The following ARHGEF11 variants were observed in gnomAD, a reference collection of about 807,000 sequenced individuals.
The protein encoded by ARHGEF11 is Rho guanine exchange factor (GEF) 11.
In ARHGEF11, 55 loss-of-function variants were observed where a neutral mutation model predicts 193.7. The ratio of observed to expected loss-of-function variants is 0.28; its 90% CI spans 0.23 to 0.36. ARHGEF11 has a LOEUF of 0.36. Ranked by LOEUF, ARHGEF11 falls within the 10% of genes least tolerant of loss-of-function variation. The probability of loss-of-function intolerance (pLI) is 1.00; values close to 1 mark genes in which losing one functional copy is unlikely to be tolerated. For missense variants in ARHGEF11, 1,723 were observed against 2,005.6 expected (o/e 0.86, Z 2.69); for synonymous variants, 693 against 768.0 (o/e 0.90, Z 1.62).
intron 1 of ARHGEF11, among the ~76,000 whole-genome samples, chr1:157,007,445 C>T (rs958570757): frequency 3.7e-4 from 56 of 152,264 alleles, no homozygotes; most frequent in Non-Finnish European, 2.6e-4. Flanking sequence ...GCAGTACTGG[C>T]AGCAGGGGTG....
At chr1:157,029,840 T>C (rs1046870585) in intron 1 of ARHGEF11, among the ~76,000 whole-genome samples, 1 of 152,172 alleles carries the variant, frequency 6.6e-6, no homozygotes, top group Non-Finnish European at 1.5e-5. Context: ...TTATACACAC[T>C]AAAACATGGT....
intron 21 of ARHGEF11, among the ~76,000 whole-genome samples, chr1:156,954,380 C>CAAAAAAAAAAAAAAAAAAAAAAA (rs559848711): frequency 1.3e-5 from 1 of 75,162 alleles, no homozygotes; most frequent in East Asian, 6.3e-4. Flanking sequence ...ACTGTGTCTC[C>CAAAAAAAAAAAAAAAAAAAAAAA]AAAAAAAAAA....
chr1:157,001,814 C>T (rs775308068), intron 1 of ARHGEF11, among the ~76,000 whole-genome samples: 3 of 152,150 alleles, frequency 2.0e-5, no homozygotes, highest in Admixed American at 6.5e-5. Context: ...AACAGTGAAA[C>T]GGGTGTTAGG....
At chr1:157,002,189 T>C (rs6664744) in intron 1 of ARHGEF11, among the ~76,000 whole-genome samples, 98,953 of 151,948 alleles carry the variant, frequency 0.65, 33,780 homozygotes, top group East Asian at 0.85. Flanking sequence ...ATTACATCAA[T>C]AATGGACCAC....
intron 1 of ARHGEF11, among the ~76,000 whole-genome samples, chr1:156,990,164 T>A (rs1347151529): frequency 6.6e-6 from 1 of 152,218 alleles, no homozygotes; most frequent in East Asian, 1.9e-4. Flanking sequence ...CTCCCTACTT[T>A]TCTTGGTCTT....
At chr1:156,949,065 T>C in intron 22 of ARHGEF11, 3 of 985,484 alleles carry the variant, frequency 3.0e-6, no homozygotes, top group Non-Finnish European at 3.6e-6. Flanking sequence ...TTCTATCTGC[T>C]GCTGGATTCT....
intron 21 of ARHGEF11, 83 bp downstream of exon 21, chr1:156,954,809 G>T: frequency 1.7e-6 from 2 of 1,189,980 alleles, no homozygotes; most frequent in Non-Finnish European, 2.5e-6. Context: ...GAGATGATGA[G>T]AAAGAAACAG....
intron 21 of ARHGEF11, 87 bp from the exon 22 acceptor site, chr1:156,951,786 A>G: frequency 4.5e-6 from 7 of 1,558,564 alleles, no homozygotes; most frequent in Non-Finnish European, 6.1e-6. Context: ...CCCAGAAGAC[A>G]GAGCAATGAG....
intron 1 of ARHGEF11, among the ~76,000 whole-genome samples, chr1:157,019,039 A>AACAGAGG (rs1669638846): frequency 6.6e-6 from 1 of 152,260 alleles, no homozygotes; most frequent in African/African-American, 2.4e-5. Flanking sequence ...TCTAGAAGAA[A>AACAGAGG]ACAGAGGAGG....
intron 1 of ARHGEF11, among the ~76,000 whole-genome samples, chr1:157,002,761 CATG>C (rs1414416930): frequency 6.6e-6 from 1 of 152,150 alleles, no homozygotes; most frequent in African/African-American, 2.4e-5. Flanking sequence ...AATGGGAACT[CATG>C]ATGATAATAA....
chr1:157,013,299 A>ACACACACCCC (rs534893600), intron 1 of ARHGEF11, among the ~76,000 whole-genome samples: 2 of 148,624 alleles, frequency 1.3e-5, no homozygotes, highest in East Asian at 2.0e-4. Flanking sequence ...ACACACACAC[A>ACACACACCCC]CCAAGAACCT....
At chr1:156,950,227 T>C (rs1020529055) in intron 22 of ARHGEF11, among the ~76,000 whole-genome samples, 2 of 152,202 alleles carry the variant, frequency 1.3e-5, no homozygotes, top group African/African-American at 2.4e-5. Flanking sequence ...TCAATTCTCA[T>C]GGCAGCAAAA....
intron 1 of ARHGEF11, among the ~76,000 whole-genome samples, chr1:157,003,654 AC>A (rs1667463273): frequency 6.6e-6 from 1 of 152,252 alleles, no homozygotes. Context: ...GCCAAATCCA[AC>A]AGCCAGCCTC....
intron 12 of ARHGEF11, 41 bp from the exon 13 acceptor site, chr1:156,963,345 A>C (rs1167425270): frequency 6.4e-7 from 1 of 1,574,002 alleles, no homozygotes; most frequent in Non-Finnish European, 8.7e-7. Flanking sequence ...AGCCGGGCAC[A>C]GCAGCACAGC....
chr1:156,980,331 G>A lies in ARHGEF11; in HGVS notation c.273+106C>T, dbSNP rs1000398621. ...ACCACTCCTAACTCAGTGGCTGCCT[G>A]GCAGTTGGTATCAAGATGAAAGTGT... On this transcript the variant is annotated intron_variant, in intron 4 of 40. Transcript: ENST00000368194. 1.2e-5 allele frequency: 16 copies of A among 1,375,356 alleles called. No homozygotes were observed. In the Admixed American group the frequency reaches 2.0e-4, roughly 17 times the overall value. 85.2% of individuals were successfully genotyped at this position (1,375,356 alleles called of 1,614,324 possible).
chr1:157,015,321 T>C (rs1265124381), intron 1 of ARHGEF11, among the ~76,000 whole-genome samples: 1 of 152,234 alleles, frequency 6.6e-6, no homozygotes, highest in Non-Finnish European at 1.5e-5. Flanking sequence ...CTTAATGCTC[T>C]GTCTCATTAT....
chr1:156,946,467 T>C (rs1658138448), intron 28 of ARHGEF11, among the ~76,000 whole-genome samples, 195 bp downstream of exon 28: 1 of 152,222 alleles, frequency 6.6e-6, no homozygotes, highest in African/African-American at 2.4e-5. Context: ...GGCCTCTGAC[T>C]GCTAATCCAG....
chr1:156,963,538 C>T lies in ARHGEF11; in HGVS notation c.1020G>A (p.Pro340=), dbSNP rs763301198. 8.7e-6 allele frequency: 14 copies of T among 1,613,724 alleles called. No homozygotes were observed. Among genetic ancestry groups the T allele is most frequent in the East Asian group, 6.7e-5 (3 of 44,890 alleles). Residue 340 remains proline (P), a synonymous_variant, in exon 12 of 41, where the codon CCG becomes CCA. Coordinates refer to ENST00000368194, the MANE Select transcript of ARHGEF11 (RefSeq NM_198236.3). ...LIIGPEEDYD[P]GYFNNESDII... is the part of the protein sequence containing the mutation. The stretch of plus-strand genomic sequence containing the variant: ...CCGTTACCTCGTTGTTGAAATAACC[C>T]GGGTCATAGTCTTCCTCTGGGCCAA...
Position 156,942,694 on chromosome 1 carries a change from T to A in ARHGEF11, c.3322A>T (p.Asn1108Tyr). 1 of 1,613,892 alleles carries A rather than the reference T, an allele frequency of 6.2e-7. No individual in the cohort carries two copies. Among genetic ancestry groups the A allele is most frequent in the Non-Finnish European group, 8.5e-7 (1 of 1,179,764 alleles). ...AACCCCTCAATCAATTCTCACGTGT[T>A]CTTGTCTGATGACGTCAATGCAACC... is the stretch of plus-strand genomic sequence containing the variant. ...ELVALTSSDK[N>Y]TWMELLEEAV... Residue 1108 changes from asparagine to tyrosine, a missense_variant, in exon 33 of 41, where the codon AAC becomes TAC. Coordinates refer to ENST00000368194, the MANE Select transcript of ARHGEF11 (RefSeq NM_198236.3).
Sources: allele counts gnomAD v4.1 joint callset (sites outside exome capture counted in the v4.1 genomes callset), GRCh38; gene constraint gnomAD v4.1.1; transcripts MANE v1.5; gene names NCBI Gene and HGNC (gene_info 2026-07-23, HGNC 2026-07-21).